MAF: variants seen among roughly 807,000 people sequenced by gnomAD.
MAF encodes the protein MAF bZIP transcription factor.
In MAF, 10 loss-of-function variants were observed where a neutral mutation model predicts 22.0. The observed-to-expected ratio is 0.45, with a 90% confidence interval of 0.28 to 0.77. MAF has a LOEUF of 0.77. Among genes scored for constraint, MAF ranks in the 30% least tolerant of loss-of-function variants. MAF has a pLI of 0.12. For missense variants in MAF, 544 were observed against 548.4 expected (o/e 0.99, Z 0.08); for synonymous variants, 337 against 255.8 (o/e 1.32, Z -3.03).
the MAF span, chr16:79,202,787 T>A: frequency 6.6e-6 from 1 of 152,144 alleles, no homozygotes; most frequent in Non-Finnish European, 1.5e-5. Context: ...TATATTTACA[T>A]AGGGAAACAA....
At chr16:79,535,184 T>C in the MAF span, among the ~76,000 whole-genome samples, 2 of 152,162 alleles carry the variant, frequency 1.3e-5, no homozygotes, top group South Asian at 4.1e-4. Context: ...GTTTACTTCT[T>C]ATTCACGCTG....
chr16:79,512,861 C>T, the MAF span, among the ~76,000 whole-genome samples: 3 of 152,308 alleles, frequency 2.0e-5, no homozygotes, highest in African/African-American at 7.2e-5. Context: ...GTGGGCAGCA[C>T]AGCGCCGAAG....
the MAF span, among the ~76,000 whole-genome samples, chr16:79,213,518 G>A: frequency 9.9e-5 from 15 of 152,232 alleles, no homozygotes; most frequent in Non-Finnish European, 1.5e-4. Context: ...TATGACCTCT[G>A]ACTTTGGCCA....
the MAF span, among the ~76,000 whole-genome samples, chr16:79,207,209 C>A: frequency 6.6e-6 from 1 of 152,210 alleles, no homozygotes; most frequent in African/African-American, 2.4e-5. Flanking sequence ...GATTCTGTTC[C>A]TAGTGGTGTA....
chr16:79,224,038 C>A, the MAF span, among the ~76,000 whole-genome samples: 36 of 152,270 alleles, frequency 2.4e-4, no homozygotes, highest in African/African-American at 7.9e-4. Flanking sequence ...GATACCAAAA[C>A]CTGGCAGAGA....
the MAF span, among the ~76,000 whole-genome samples, chr16:79,544,566 A>AGAT: frequency 6.6e-6 from 1 of 152,136 alleles, no homozygotes; most frequent in African/African-American, 2.4e-5. Flanking sequence ...CAAGGTCAGG[A>AGAT]GATCGAGACC....
the MAF span, among the ~76,000 whole-genome samples, chr16:79,537,819 AC>A: frequency 2.0e-5 from 3 of 152,320 alleles, 1 homozygote; most frequent in Middle Eastern, 0.01. Flanking sequence ...AAACCTCTGA[AC>A]CTCAGAATGA....
At chr16:79,357,320 G>C in the MAF span, among the ~76,000 whole-genome samples, 57,301 of 148,986 alleles carry the variant, frequency 0.38, 12,301 homozygotes, top group Non-Finnish European at 0.52. Context: ...TGTGGTGGCG[G>C]GCGCCTGTAA....
the MAF span, among the ~76,000 whole-genome samples, chr16:79,210,561 C>T: frequency 1.1e-4 from 17 of 152,292 alleles, no homozygotes; most frequent in South Asian, 8.3e-4. Flanking sequence ...TCCTCTCTTG[C>T]AACCCCTCTC....
At chr16:79,537,394 A>C in the MAF span, among the ~76,000 whole-genome samples, 1 of 149,980 alleles carries the variant, frequency 6.7e-6, no homozygotes, top group African/African-American at 2.5e-5. Context: ...TCAATCATGT[A>C]TATGTTTCAC....
chr16:79,226,610 G>C, the MAF span, among the ~76,000 whole-genome samples: 5 of 152,018 alleles, frequency 3.3e-5, no homozygotes, highest in Admixed American at 6.6e-5. Flanking sequence ...TCCCATTTTT[G>C]TTAAACCTAC....
the MAF span, among the ~76,000 whole-genome samples, chr16:79,543,681 T>C: frequency 6.7e-6 from 1 of 149,392 alleles, no homozygotes; most frequent in East Asian, 2.0e-4. Context: ...TTTTTCTTTT[T>C]TTTTTTTTCT....
chr16:79,425,186 T>C, the MAF span, among the ~76,000 whole-genome samples: 3 of 152,252 alleles, frequency 2.0e-5, no homozygotes, highest in African/African-American at 7.2e-5. Flanking sequence ...TTCATATCTA[T>C]TTATATGATC....
chr16:79,594,855 A>G, intron 1 of MAF: 1 of 1,225,030 alleles, frequency 8.2e-7, no homozygotes, highest in Non-Finnish European at 1.0e-6. Context: ...GCACCTTTGC[A>G]TTTGATTTTC....
chr16:79,595,946 C>A, intron 1 of MAF: 1 of 1,059,718 alleles, frequency 9.4e-7, no homozygotes, highest in Admixed American at 5.4e-5. Flanking sequence ...ACAAAACAAA[C>A]AACTATGATT....
At chr16:79,202,650 A>T in the MAF span, 3 of 152,330 alleles carry the variant, frequency 2.0e-5, no homozygotes, top group East Asian at 3.9e-4. Flanking sequence ...ATTTCTATTC[A>T]GCTTTAAAGA....
the MAF span, among the ~76,000 whole-genome samples, chr16:79,371,854 C>T: frequency 1.3e-5 from 2 of 152,332 alleles, no homozygotes; most frequent in Non-Finnish European, 2.9e-5. Context: ...CAGAACACAT[C>T]CTGATCTTGG....
the MAF span, among the ~76,000 whole-genome samples, chr16:79,558,215 GA>G: frequency 6.6e-6 from 1 of 152,074 alleles, no homozygotes; most frequent in Non-Finnish European, 1.5e-5. Context: ...GAAAGAGTGT[GA>G]AAGAGAAATG....
At chr16:79,585,829 G>GAA (rs1912803338), downstream of MAF, 1 of 366,716 alleles carries the variant, frequency 2.7e-6, no homozygotes, top group African/African-American at 4.6e-5. Flanking sequence ...ACAAAGAAAA[G>GAA]GAAAAAAAAA....
Sources: gnomAD v4.1 joint callset for allele counts (sites outside exome capture counted in the v4.1 genomes callset) on GRCh38, gnomAD v4.1.1 for gene constraint, MANE v1.5 for transcripts, NCBI Gene and HGNC (gene_info 2026-07-23, HGNC 2026-07-21) for gene names.